The following VAV2 variants were observed in gnomAD, a reference collection of about 807,000 sequenced individuals.
VAV2 encodes the protein guanine nucleotide exchange factor VAV2.
In VAV2, 67 loss-of-function variants were observed where a neutral mutation model predicts 132.5. The ratio of observed to expected loss-of-function variants is 0.51; its 90% CI spans 0.42 to 0.62. VAV2 has a LOEUF of 0.62. Ranked by LOEUF, VAV2 falls within the 20% of genes least tolerant of loss-of-function variation. The pLI, the probability that VAV2 is intolerant of heterozygous loss-of-function variation, is 0.00. For missense variants in VAV2, 938 were observed against 1,153.6 expected (o/e 0.81, Z 2.71); for synonymous variants, 492 against 443.5 (o/e 1.11, Z -1.37).
chr9:133,838,274 G>C (rs1836549907), intron 3 of VAV2, among the ~76,000 whole-genome samples: 1 of 151,798 alleles, frequency 6.6e-6, no homozygotes, highest in Non-Finnish European at 1.5e-5. Flanking sequence ...CATGTGGGAA[G>C]ACTTGATCAG....
chr9:133,794,812 G>C lies in VAV2; in HGVS notation c.1101+856C>G, dbSNP rs1233962676. Among the ~76,000 whole-genome samples the C allele has an allele frequency of 6.6e-6, 1 of 152,246 alleles. No homozygotes were observed. Among genetic ancestry groups the C allele is most frequent in the Non-Finnish European group, 1.5e-5 (1 of 68,036 alleles). ...AGGTGACTATGGCTGACACATGCCT[G>C]GCTGGGAAGGAGATGGCACGAACAA... On this transcript the variant is annotated intron_variant, in intron 12 of 29. Coordinates refer to ENST00000371850, the MANE Select transcript of VAV2 (RefSeq NM_001134398.2). This position sits in a 1 kb window ranked among gnomAD's most constrained non-coding sequence, Gnocchi z 4.6.
intron 4 of VAV2, among the ~76,000 whole-genome samples, chr9:133,822,034 G>A (rs1031809864): frequency 6.6e-6 from 1 of 152,088 alleles, no homozygotes; most frequent in African/African-American, 2.4e-5. Context: ...CTCCAGGGAC[G>A]GCAAAACCTG....
intron 2 of VAV2, among the ~76,000 whole-genome samples, chr9:133,861,788 T>A (rs1046243233): frequency 2.0e-5 from 3 of 152,184 alleles, no homozygotes; most frequent in African/African-American, 4.8e-5. Flanking sequence ...CATGCTGCTG[T>A]TCTGCAAGGT....
chr9:133,796,520 C>A lies in VAV2; in HGVS notation c.941G>T (p.Cys314Phe). ...REDFRQKVEE[C>F]TLKVQDGKFK... ...TTTTCCATCCTGGACCTTCAGTGTG[C>A]ACTCCTGGGAGGGCGACAGGGCGAT... is the stretch of plus-strand genomic sequence containing the variant. Residue 314 changes from cysteine to phenylalanine, a missense_variant, in exon 11 of 30, where the codon TGC becomes TTC. Cys to Phe is a radical substitution (Grantham distance 205). Transcript: ENST00000371850. The A allele has an allele frequency of 6.2e-7, 1 of 1,613,252 alleles. No homozygotes were observed. Among genetic ancestry groups the A allele is most frequent in the Non-Finnish European group, 8.5e-7 (1 of 1,179,756 alleles).
intron 2 of VAV2, among the ~76,000 whole-genome samples, chr9:133,894,295 T>C (rs2131987070): frequency 6.6e-6 from 1 of 152,338 alleles, no homozygotes; most frequent in Admixed American, 6.5e-5. Context: ...CAGCACCGGC[T>C]GCAGCCAGAC....
At chr9:133,936,699 T>C (rs562730420) in intron 2 of VAV2, among the ~76,000 whole-genome samples, 1 of 152,266 alleles carries the variant, frequency 6.6e-6, no homozygotes, top group South Asian at 2.1e-4. Flanking sequence ...TCATCCAGTC[T>C]CCTCAGCTCA....
Position 133,823,762 on chromosome 9 carries a change from A to G in VAV2, c.449+10510T>C, listed in dbSNP as rs1178792946. 1.3e-5 allele frequency among the ~76,000 whole-genome samples: 2 copies of G among 152,208 alleles called. No individual in the cohort carries two copies. Among genetic ancestry groups the G allele is most frequent in the Non-Finnish European group, 2.9e-5 (2 of 68,034 alleles). ...CCTCCCTCTGCAGAGACTGCATTAA[A>G]TGAGACCAGAGAGTTGCTGTGACCG... On this transcript the variant is annotated intron_variant, in intron 4 of 29. Transcript: ENST00000371850. This position sits in a 1 kb window ranked among gnomAD's most constrained non-coding sequence, Gnocchi z 5.5.
At chr9:133,828,668 C>T (rs1338020417) in intron 4 of VAV2, among the ~76,000 whole-genome samples, 2 of 152,230 alleles carry the variant, frequency 1.3e-5, no homozygotes, top group Non-Finnish European at 2.9e-5. Context: ...CTGTGCCTTC[C>T]TGAGGGAGAG....
chr9:133,916,962 T>A (rs1000287751), intron 2 of VAV2, among the ~76,000 whole-genome samples: 56 of 152,110 alleles, frequency 3.7e-4, no homozygotes, highest in Admixed American at 2.0e-4. Context: ...ATGAGACACA[T>A]ACAAAGAAAC....
At position 133,794,434 on chromosome 9, in the gene VAV2, G is replaced by A. The variant is rs62576489; in HGVS notation, c.1101+1234C>T. Among the ~76,000 whole-genome samples the A allele has an allele frequency of 3.5e-3, 531 of 152,288 alleles. 2 individuals are homozygous for A. Among genetic ancestry groups the A allele is most frequent in the Non-Finnish European group, 5.1e-3 (349 of 68,024 alleles). On this transcript the variant is annotated intron_variant, in intron 12 of 29. Coordinates refer to ENST00000371850, the MANE Select transcript of VAV2 (RefSeq NM_001134398.2). The surrounding 1 kb of genome is among the most constrained non-coding windows in gnomAD (Gnocchi z 4.6). Reference sequence around the variant, plus strand: ...CAGGATTTGGAGTAAATTTCTCCCCGAGCACAAGCCCTGCTCAGAGAACCT... The same window carrying A: ...CAGGATTTGGAGTAAATTTCTCCCCAAGCACAAGCCCTGCTCAGAGAACCT...
chr9:133,904,630 C>A (rs572279777), intron 2 of VAV2, among the ~76,000 whole-genome samples: 1 of 152,360 alleles, frequency 6.6e-6, no homozygotes, highest in East Asian at 1.9e-4. Context: ...TGGAGTCGGA[C>A]GACATGCCCG....
intron 3 of VAV2, among the ~76,000 whole-genome samples, chr9:133,848,537 C>T (rs962755537): frequency 3.3e-5 from 5 of 151,746 alleles, no homozygotes; most frequent in Admixed American, 1.3e-4. Context: ...AGGGAAAGAG[C>T]GGAACAAAAG....
chr9:133,892,317 C>T (rs1366996733), intron 2 of VAV2, among the ~76,000 whole-genome samples: 4 of 151,792 alleles, frequency 2.6e-5, no homozygotes, highest in African/African-American at 7.3e-5. Context: ...CTGGTGCTTC[C>T]GCAGGGCTGC....
intron 2 of VAV2, among the ~76,000 whole-genome samples, chr9:133,936,252 T>C (rs968930100): frequency 3.0e-4 from 45 of 150,856 alleles, no homozygotes; most frequent in African/African-American, 1.0e-3. Flanking sequence ...CTTTTTTTTT[T>C]TTTTTTTTAA....
chr9:133,984,737 A>C (rs973981487), intron 1 of VAV2, among the ~76,000 whole-genome samples: 6 of 152,124 alleles, frequency 3.9e-5, no homozygotes, highest in Non-Finnish European at 7.3e-5. Flanking sequence ...TCGAAGCCTT[A>C]TCTCTCCTAA....
chr9:133,798,060 G>T (rs959427760), intron 9 of VAV2, among the ~76,000 whole-genome samples: 2 of 152,140 alleles, frequency 1.3e-5, no homozygotes, highest in African/African-American at 4.8e-5. Flanking sequence ...GTCCCAGGTG[G>T]TTCTAGGTCA....
rs756096553 is a variant in VAV2 at position 133,791,854 on chromosome 9, T to C, written c.1117A>G (p.Ile373Val). The change falls in exon 13 of 30, where the codon ATC (isoleucine) becomes GTC (valine). Residue 373 changes from isoleucine to valine, a missense_variant. Physicochemically the swap from Ile to Val is conservative, Grantham distance 29 (BLOSUM62 3). Coordinates refer to ENST00000371850, the MANE Select transcript of VAV2 (RefSeq NM_001134398.2). ...TCCTTGTCCCGTTTAACTTCATTGA[T>C]GTACATCGCCAAGTCCTTGAAAACA... The part of the protein sequence containing the change: ...LEAMQDLAMY[I>V]NEVKRDKETL... 2 of 1,614,104 alleles carry C rather than the reference T, an allele frequency of 1.2e-6. No individual in the cohort carries two copies. The highest frequency in any genetic ancestry group is 1.7e-5 in the Admixed American group (1 of 60,006).
intron 3 of VAV2, among the ~76,000 whole-genome samples, chr9:133,854,893 G>A (rs1214518198): frequency 6.6e-6 from 1 of 152,248 alleles, no homozygotes; most frequent in Non-Finnish European, 1.5e-5. Context: ...TGGCCAGGAT[G>A]TTTGATGTCA....
At chr9:133,882,626 C>T (rs1274587039) in intron 2 of VAV2, among the ~76,000 whole-genome samples, 2 of 152,010 alleles carry the variant, frequency 1.3e-5, no homozygotes, top group Admixed American at 1.3e-4. Flanking sequence ...GCCGACAACA[C>T]CTTGAGTTTG....
Sources: gnomAD v4.1 joint callset for allele counts (sites outside exome capture counted in the v4.1 genomes callset) on GRCh38, gnomAD v4.1.1 for gene constraint, Gnocchi (gnomAD v3.1) non-coding constraint, MANE v1.5 for transcripts, NCBI Gene and HGNC (gene_info 2026-07-23, HGNC 2026-07-21) for gene names.